The following PDZD8 variants were observed in gnomAD, a reference collection of about 807,000 sequenced individuals.
PDZD8 encodes PDZ domain containing 8.
A neutral mutation model predicts 85.8 loss-of-function variants in PDZD8; 14 were observed. The observed-to-expected ratio is 0.16, with a 90% CI of 0.11 to 0.26. The LOEUF is 0.26. Among genes scored for constraint, PDZD8 ranks in the 10% least tolerant of loss-of-function variants. The pLI is 1.00. For missense variants in PDZD8, 1,197 were observed against 1,424.3 expected, an observed-to-expected ratio of 0.84 and a Z score of 2.57; for synonymous variants, 592 against 568.6, an observed-to-expected ratio of 1.04 and a Z score of -0.59.
intron 3 of PDZD8, among the ~76,000 whole-genome samples, chr10:117,304,563 T>C (rs185921930): frequency 4.3e-4 from 66 of 152,206 alleles, no homozygotes; most frequent in African/African-American, 1.2e-3. Flanking sequence ...GGGAATGATA[T>C]GGTTTGGCTG....
intron 3 of PDZD8, among the ~76,000 whole-genome samples, chr10:117,309,458 C>T (rs181108106): frequency 6.6e-6 from 1 of 152,002 alleles, no homozygotes; most frequent in East Asian, 1.9e-4. Flanking sequence ...CTAGCCTGGC[C>T]TTTGATAGTC....
intron 3 of PDZD8, among the ~76,000 whole-genome samples, chr10:117,312,882 C>T (rs1308089707): frequency 1.3e-5 from 2 of 152,102 alleles, no homozygotes; most frequent in Non-Finnish European, 2.9e-5. Flanking sequence ...CATAAATGCA[C>T]AAATAATTTA....
chr10:117,305,544 A>G (rs1159172196), intron 3 of PDZD8, among the ~76,000 whole-genome samples: 4 of 151,870 alleles, frequency 2.6e-5, no homozygotes. Flanking sequence ...AGATATTCTT[A>G]TAGGGGTGCA....
At chr10:117,354,659 T>G (rs1328390108) in intron 1 of PDZD8, among the ~76,000 whole-genome samples, 3 of 152,136 alleles carry the variant, frequency 2.0e-5, no homozygotes, top group Non-Finnish European at 4.4e-5. Context: ...CACACAACAC[T>G]ATATCCTTTC....
At chr10:117,339,364 T>A (rs2532789) in intron 2 of PDZD8, among the ~76,000 whole-genome samples, 1 of 152,010 alleles carries the variant, frequency 6.6e-6, no homozygotes, top group Non-Finnish European at 1.5e-5. Context: ...GATCAGGAGA[T>A]ACATTAAGAA....
intron 1 of PDZD8, among the ~76,000 whole-genome samples, chr10:117,343,354 C>T (rs988686409): frequency 8.6e-5 from 13 of 151,676 alleles, no homozygotes; most frequent in Middle Eastern, 3.2e-3. Flanking sequence ...GCAGAAAGCC[C>T]CCCGAGTTTC....
At chr10:117,364,292 A>G (rs1845049991) in intron 1 of PDZD8, among the ~76,000 whole-genome samples, 1 of 152,090 alleles carries the variant, frequency 6.6e-6, no homozygotes, top group African/African-American at 2.4e-5. Context: ...TATGGGTTAC[A>G]TGTCATCAGC....
chr10:117,372,250 T>TA (rs933435850), intron 1 of PDZD8, among the ~76,000 whole-genome samples: 4 of 152,228 alleles, frequency 2.6e-5, no homozygotes, highest in Admixed American at 1.3e-4. Context: ...ATGCTGTTTT[T>TA]AAAAAAATCC....
chr10:117,306,879 T>C (rs1033698505), intron 3 of PDZD8, among the ~76,000 whole-genome samples: 1 of 152,132 alleles, frequency 6.6e-6, no homozygotes, highest in African/African-American at 2.4e-5. Flanking sequence ...AACTTCTAAA[T>C]ATTTAAGCAT....
intron 1 of PDZD8, among the ~76,000 whole-genome samples, chr10:117,344,659 T>C (rs1844673825): frequency 6.6e-6 from 1 of 152,122 alleles, no homozygotes; most frequent in Admixed American, 6.5e-5. Context: ...AGTGCTGGGA[T>C]TACAGGCGTG....
chr10:117,334,146 G>A (rs1490642204), intron 2 of PDZD8, among the ~76,000 whole-genome samples: 2 of 152,198 alleles, frequency 1.3e-5, no homozygotes, highest in East Asian at 3.8e-4. Context: ...CCTTCTGAAT[G>A]TAGACAGAAG....
intron 3 of PDZD8, among the ~76,000 whole-genome samples, chr10:117,310,797 T>G (rs950880795): frequency 9.2e-5 from 14 of 152,180 alleles, no homozygotes; most frequent in African/African-American, 3.4e-4. Flanking sequence ...AGATTAAGAC[T>G]GTAAATGGCA....
chr10:117,356,688 A>C (rs1844900819), intron 1 of PDZD8, among the ~76,000 whole-genome samples: 1 of 152,236 alleles, frequency 6.6e-6, no homozygotes, highest in Admixed American at 6.5e-5. Context: ...CTATTAATCT[A>C]TCATTAAGGT....
intron 2 of PDZD8, among the ~76,000 whole-genome samples, chr10:117,321,911 C>T (rs910145151): frequency 6.6e-6 from 1 of 152,008 alleles, no homozygotes; most frequent in Admixed American, 6.6e-5. Context: ...AATTCAAAAA[C>T]ATCATTAATT....
chr10:117,305,211 G>A (rs900513291), intron 3 of PDZD8, among the ~76,000 whole-genome samples: 6 of 152,002 alleles, frequency 3.9e-5, no homozygotes, highest in East Asian at 1.9e-4. Flanking sequence ...TCAGAAGTTC[G>A]AAACCAGCCT....
In PDZD8 at chr10:117,278,838, T is replaced by G. The variant is rs769827779; in HGVS notation, c.*4430A>C. On this transcript the variant is annotated 3_prime_UTR_variant, in exon 5 of 5. Transcript: ENST00000334464. ...AACTTCCAACTCACTTATTTGGCATTGGGCAACTTGGCCAAGTCTGCCACT... is the reference window on the plus strand; with the variant it reads ...AACTTCCAACTCACTTATTTGGCATGGGGCAACTTGGCCAAGTCTGCCACT... The G allele has an allele frequency of 6.6e-6, 1 of 152,326 alleles. No homozygotes were observed. Among genetic ancestry groups the G allele is most frequent in the Non-Finnish European group, 1.5e-5 (1 of 68,038 alleles). 9.4% of individuals were successfully genotyped at this position (152,326 alleles called of 1,614,324 possible).
At chr10:117,311,732 T>C (rs912879674) in intron 3 of PDZD8, among the ~76,000 whole-genome samples, 26 of 151,946 alleles carry the variant, frequency 1.7e-4, no homozygotes, top group African/African-American at 6.3e-4. Flanking sequence ...GATGGCTACT[T>C]GGTGACAGAA....
chr10:117,297,571 T>G (rs1239159427), intron 3 of PDZD8, among the ~76,000 whole-genome samples: 1 of 152,160 alleles, frequency 6.6e-6, no homozygotes, highest in East Asian at 1.9e-4. Flanking sequence ...ATTTTTTGAC[T>G]TTACGATGTG....
intron 2 of PDZD8, among the ~76,000 whole-genome samples, chr10:117,333,097 C>G (rs1232205376): frequency 9.1e-6 from 1 of 109,306 alleles, no homozygotes; most frequent in Non-Finnish European, 1.7e-5. Flanking sequence ...CCAGCCTGGA[C>G]AGCAGAGTGG....
Sources: allele counts gnomAD v4.1 joint callset (sites outside exome capture counted in the v4.1 genomes callset), GRCh38; gene constraint gnomAD v4.1.1; transcripts MANE v1.5; gene names NCBI Gene and HGNC (gene_info 2026-07-23, HGNC 2026-07-21).